PACSIN2: variants seen among roughly 807,000 people sequenced by gnomAD.
The protein encoded by PACSIN2 is protein kinase C and casein kinase substrate in neurons 2.
PACSIN2 carries 25 observed loss-of-function variants against 63.8 expected under a neutral mutation model. That is an observed-to-expected ratio of 0.39 (90% confidence interval 0.29 to 0.55). PACSIN2 has a LOEUF of 0.55. PACSIN2 is among the 20% of genes least tolerant of loss of function. PACSIN2 has a pLI of 0.62. For synonymous variants in PACSIN2, 255 were observed against 256.2 expected (o/e 1.00, Z 0.05); for missense variants, 518 against 646.9 (o/e 0.80, Z 2.16).
chr22:42,986,403 C>G (rs1197115791), intron 1 of PACSIN2, among the ~76,000 whole-genome samples: 1 of 152,130 alleles, frequency 6.6e-6, no homozygotes, highest in Non-Finnish European at 1.5e-5. Context: ...TCCGGCCAAA[C>G]GAAATCAAAC....
intron 1 of PACSIN2, among the ~76,000 whole-genome samples, chr22:42,952,729 C>T (rs1601571160): frequency 1.3e-5 from 2 of 151,288 alleles, no homozygotes; most frequent in East Asian, 3.9e-4. Flanking sequence ...GTGGAGCGAT[C>T]TCGGCTCACT....
At chr22:42,894,765 TAC>T (rs748275461) in intron 2 of PACSIN2, among the ~76,000 whole-genome samples, 2 of 152,244 alleles carry the variant, frequency 1.3e-5, no homozygotes, top group Non-Finnish European at 2.9e-5. Flanking sequence ...CTTGAAAGGC[TAC>T]AGTCGCTGAT....
chr22:42,902,695 C>T (rs1930780641), intron 2 of PACSIN2, among the ~76,000 whole-genome samples: 1 of 152,174 alleles, frequency 6.6e-6, no homozygotes, highest in Non-Finnish European at 1.5e-5. Flanking sequence ...CTCACCACAA[C>T]CTCTGCCTCC....
At chr22:42,887,248 G>C (rs1051347965) in intron 5 of PACSIN2, among the ~76,000 whole-genome samples, 2 of 152,312 alleles carry the variant, frequency 1.3e-5, no homozygotes, top group East Asian at 3.9e-4. Flanking sequence ...TCTGAGTGAC[G>C]AACTCTCGTG....
chr22:42,997,998 T>C (rs1923528556), intron 1 of PACSIN2, among the ~76,000 whole-genome samples: 1 of 152,128 alleles, frequency 6.6e-6, no homozygotes, highest in Non-Finnish European at 1.5e-5. Flanking sequence ...GAGCAAAATC[T>C]AACAGGCCAG....
At chr22:42,972,564 T>C (rs569440442) in intron 1 of PACSIN2, among the ~76,000 whole-genome samples, 1 of 152,236 alleles carries the variant, frequency 6.6e-6, no homozygotes, top group East Asian at 1.9e-4. Context: ...TAGTTCCTTA[T>C]ACATCTAGGA....
intron 2 of PACSIN2, among the ~76,000 whole-genome samples, chr22:42,910,927 C>T (rs1298281144): frequency 1.3e-5 from 2 of 148,222 alleles, no homozygotes; most frequent in East Asian, 4.1e-4. Context: ...TTTTTTGAGA[C>T]GGAGTCTTGC....
intron 1 of PACSIN2, among the ~76,000 whole-genome samples, chr22:42,971,842 G>A (rs1288742006): frequency 1.3e-5 from 2 of 150,548 alleles, no homozygotes; most frequent in Non-Finnish European, 3.0e-5. Flanking sequence ...CGTCCGGGAG[G>A]GAGGTGGGGG....
chr22:42,925,646 A>T (rs1384582536), intron 1 of PACSIN2, among the ~76,000 whole-genome samples: 2 of 152,216 alleles, frequency 1.3e-5, no homozygotes, highest in Non-Finnish European at 2.9e-5. Context: ...ATTTTGATTT[A>T]TGGAGACTGA....
At chr22:42,884,320 G>A in intron 6 of PACSIN2, 66 bp downstream of exon 6, 1 of 1,472,304 alleles carries the variant, frequency 6.8e-7, no homozygotes, top group Non-Finnish European at 9.3e-7. Flanking sequence ...CAGCATCTGA[G>A]TTTGCTTCAA....
chr22:42,873,421 G>A (rs1023933185), intron 10 of PACSIN2, among the ~76,000 whole-genome samples: 5 of 152,210 alleles, frequency 3.3e-5, no homozygotes, highest in Non-Finnish European at 7.3e-5. Flanking sequence ...CTGGGCAGAG[G>A]CAGCTGATAA....
intron 1 of PACSIN2, among the ~76,000 whole-genome samples, chr22:42,932,751 T>C (rs1359540196): frequency 1.5e-5 from 2 of 136,796 alleles, no homozygotes; most frequent in Non-Finnish European, 3.2e-5. Context: ...AAGTCAATTC[T>C]AAAAAAAAAA....
In PACSIN2 at chr22:42,871,202, G is replaced by A. The variant is rs2146613002; in HGVS notation, c.*155C>T. ...CACTCGGAAAGGTGCCGAGTCCCAG[G>A]CGAAATGACCAGCTCATCTGCCTTC... On this transcript the variant is annotated 3_prime_UTR_variant, in exon 11 of 11. Coordinates refer to ENST00000263246, the MANE Select transcript of PACSIN2 (RefSeq NM_001184970.3). This position sits in a 1 kb window ranked among gnomAD's most constrained non-coding sequence, Gnocchi z 5.4. 1 of 631,636 alleles carries A rather than the reference G, an allele frequency of 1.6e-6. No homozygotes were observed. The highest frequency in any genetic ancestry group is 2.9e-6 in the Non-Finnish European group (1 of 347,236). 39.1% of individuals were successfully genotyped at this position (631,636 alleles called of 1,614,324 possible).
rs1360408864 is a variant in PACSIN2 at position 42,872,389 on chromosome 22, G to C, written c.1349-920C>G. Among the ~76,000 whole-genome samples, 3 of 152,244 alleles carry C rather than the reference G, an allele frequency of 2.0e-5. No individual in the cohort carries two copies. In the East Asian group the frequency reaches 5.8e-4, roughly 29 times the overall value. ...CCTGCTGGCTCGGACCTCGTCAGGAGCAAGCAATTGGTGGGAAAGAAATAG... is the reference window on the plus strand; with the variant it reads ...CCTGCTGGCTCGGACCTCGTCAGGACCAAGCAATTGGTGGGAAAGAAATAG... On this transcript the variant is annotated intron_variant, in intron 10 of 10. Transcript: ENST00000263246.
chr22:42,992,539 G>C (rs1291699152), intron 1 of PACSIN2, among the ~76,000 whole-genome samples: 2 of 152,174 alleles, frequency 1.3e-5, no homozygotes, highest in African/African-American at 4.8e-5. Flanking sequence ...TTTGAGCCCA[G>C]GAGTTCAAGA....
chr22:42,889,668 G>C (rs1929760872), intron 4 of PACSIN2, among the ~76,000 whole-genome samples: 1 of 152,080 alleles, frequency 6.6e-6, no homozygotes, highest in African/African-American at 2.4e-5. Context: ...TGGGTGTTGG[G>C]GGTGGCACAT....
chr22:42,902,909 C>A lies in PACSIN2; in HGVS notation c.60+9112G>T, dbSNP rs186004724. ...GAATACAGGTGTGAGCCACCGCGCC[C>A]GGCCTATTTATCAGTTCTCAATCCT... On this transcript the variant is annotated intron_variant, in intron 2 of 10. Coordinates refer to ENST00000263246, the MANE Select transcript of PACSIN2 (RefSeq NM_001184970.3). Among the ~76,000 whole-genome samples the A allele has an allele frequency of 1.1e-3, 175 of 152,306 alleles. 1 individual carries two copies. The highest frequency in any genetic ancestry group is 4.0e-3 in the African/African-American group (168 of 41,562).
At chr22:42,982,078 A>C in intron 1 of PACSIN2, among the ~76,000 whole-genome samples, 1 of 85,732 alleles carries the variant, frequency 1.2e-5, no homozygotes, top group Non-Finnish European at 2.3e-5. Flanking sequence ...CCTACTGGGA[A>C]GTGAGGACCC....
chr22:43,012,395 C>T (rs1924562133), intron 1 of PACSIN2, among the ~76,000 whole-genome samples: 1 of 151,512 alleles, frequency 6.6e-6, no homozygotes. Context: ...GGATGGGTAT[C>T]CAGGATTAGG....
Sources: gnomAD v4.1 joint callset for allele counts (sites outside exome capture counted in the v4.1 genomes callset) on GRCh38, gnomAD v4.1.1 for gene constraint, Gnocchi (gnomAD v3.1) non-coding constraint, MANE v1.5 for transcripts, NCBI Gene and HGNC (gene_info 2026-07-23, HGNC 2026-07-21) for gene names.